Variants in CRB1 observed in about 807,000 individuals in gnomAD.
CRB1 encodes crumbs cell polarity complex component 1, also known as protein crumbs homolog 1.
A neutral mutation model predicts 120.0 loss-of-function variants in CRB1; 83 were observed. The observed-to-expected ratio is 0.69, with a 90% confidence interval of 0.58 to 0.83. CRB1 has a LOEUF of 0.83. Among genes scored for constraint, CRB1 ranks in the 40% least tolerant of loss-of-function variants. The probability of loss-of-function intolerance (pLI) is 0.00; values close to 1 mark genes in which losing one functional copy is unlikely to be tolerated. For synonymous variants in CRB1, 625 were observed against 612.5 expected (o/e 1.02, Z -0.30); for missense variants, 1,699 against 1,687.6 (o/e 1.01, Z -0.12).
chr1:197,362,524 AT>A (rs1383823801), intron 5 of CRB1, among the ~76,000 whole-genome samples: 1 of 151,710 alleles, frequency 6.6e-6, no homozygotes, highest in Non-Finnish European at 1.5e-5. Flanking sequence ...AGTTCTATCA[AT>A]TTTTCTTCAC....
At chr1:197,269,129 A>G (rs1388514288) in intron 1 of CRB1, among the ~76,000 whole-genome samples, 1 of 152,228 alleles carries the variant, frequency 6.6e-6, no homozygotes, top group Admixed American at 6.5e-5. Flanking sequence ...AAATCAGAGG[A>G]GACCAAATTG....
intron 5 of CRB1, among the ~76,000 whole-genome samples, chr1:197,415,099 T>C (rs536054329): frequency 1.3e-5 from 2 of 152,270 alleles, no homozygotes; most frequent in East Asian, 3.9e-4. Context: ...AAAGATCAAA[T>C]GCATAAATTT....
chr1:197,209,073 A>G, the CRB1 span, among the ~76,000 whole-genome samples: 1 of 152,158 alleles, frequency 6.6e-6, no homozygotes, highest in Admixed American at 6.5e-5. Flanking sequence ...CACTTCCATC[A>G]TGCCCTGCCA....
intron 1 of CRB1, among the ~76,000 whole-genome samples, chr1:197,307,418 C>A (rs1345136129): frequency 6.6e-6 from 1 of 152,120 alleles, no homozygotes; most frequent in Non-Finnish European, 1.5e-5. Flanking sequence ...GTTTGCCAAA[C>A]AGCATGCAAA....
intron 1 of CRB1, among the ~76,000 whole-genome samples, chr1:197,272,220 G>T (rs1456707162): frequency 1.3e-5 from 2 of 152,130 alleles, no homozygotes; most frequent in Non-Finnish European, 2.9e-5. Flanking sequence ...GATCGTTACT[G>T]TGCAAGTTAA....
At chr1:197,203,941 AC>A in the CRB1 span, among the ~76,000 whole-genome samples, 1 of 151,144 alleles carries the variant, frequency 6.6e-6, no homozygotes, top group Non-Finnish European at 1.5e-5. Flanking sequence ...TTTATCCCTC[AC>A]CCCCCTCCCA....
intron 11 of CRB1, among the ~76,000 whole-genome samples, chr1:197,463,458 A>C (rs1438358603): frequency 6.6e-6 from 1 of 152,200 alleles, no homozygotes; most frequent in Non-Finnish European, 1.5e-5. Flanking sequence ...CTGAAATATA[A>C]AATAACCATT....
chr1:197,415,641 CTTTTTTTTTTTTT>C (rs55654070), intron 5 of CRB1, among the ~76,000 whole-genome samples: 2 of 94,014 alleles, frequency 2.1e-5, no homozygotes, highest in Non-Finnish European at 3.9e-5. Context: ...TTTTTCTTTT[CTTTTTTTTTTTTT>C]TTTTTTGAGA....
the CRB1 span, among the ~76,000 whole-genome samples, chr1:197,241,044 GTTGT>G: frequency 6.6e-6 from 1 of 152,112 alleles, no homozygotes; most frequent in South Asian, 2.1e-4. Context: ...TTTTGATGGG[GTTGT>G]TTGTTTTTTT....
At chr1:197,415,915 T>TACA (rs1663975756) in intron 5 of CRB1, among the ~76,000 whole-genome samples, 2 of 152,140 alleles carry the variant, frequency 1.3e-5, no homozygotes, top group South Asian at 4.1e-4. Flanking sequence ...GTTCTGGCAT[T>TACA]ACAAGCATGA....
intron 1 of CRB1, among the ~76,000 whole-genome samples, chr1:197,290,928 T>C (rs773561254): frequency 6.6e-6 from 1 of 151,806 alleles, no homozygotes. Flanking sequence ...TATTTTTAAT[T>C]GTAATGAGCT....
chr1:197,427,418 T>C, intron 6 of CRB1, 36 bp from the exon 7 acceptor site: 1 of 1,602,976 alleles, frequency 6.2e-7, no homozygotes, highest in East Asian at 2.2e-5. Context: ...AGATGTTTCT[T>C]TTTTTTTCTC....
chr1:197,354,985 G>C (rs543005796), intron 4 of CRB1, among the ~76,000 whole-genome samples: 1 of 151,698 alleles, frequency 6.6e-6, no homozygotes, highest in Admixed American at 6.6e-5. Context: ...GCTAGACACA[G>C]AGTGCTGATT....
Position 197,331,361 on chromosome 1 carries a change from T to G in CRB1, c.652+2358T>G, listed in dbSNP as rs115605329. On this transcript the variant is annotated intron_variant, in intron 2 of 11. Transcript: ENST00000367400. ...GTATTATTTTATGTATACTCTATGATGCTAAAATGCTTATGTCAAATGGAA... is the reference window on the plus strand; with the variant it reads ...GTATTATTTTATGTATACTCTATGAGGCTAAAATGCTTATGTCAAATGGAA... Among the ~76,000 whole-genome samples, 826 of 152,326 alleles carry G rather than the reference T, an allele frequency of 5.4e-3. 11 individuals carry two copies. Among genetic ancestry groups the G allele is most frequent in the African/African-American group, 0.019 (794 of 41,574 alleles).
intron 1 of CRB1, among the ~76,000 whole-genome samples, chr1:197,283,390 C>T (rs1037547557): frequency 1.5e-4 from 22 of 151,714 alleles, no homozygotes; most frequent in African/African-American, 5.3e-4. Flanking sequence ...TCCCGCATCC[C>T]CCTCCCGCCC....
the CRB1 span, among the ~76,000 whole-genome samples, chr1:197,250,263 T>G: frequency 6.6e-6 from 1 of 152,016 alleles, no homozygotes; most frequent in African/African-American, 2.4e-5. Flanking sequence ...CAAAACCCTT[T>G]ACTATTATCC....
chr1:197,383,689 G>A (rs563617078), intron 5 of CRB1, among the ~76,000 whole-genome samples: 1 of 152,240 alleles, frequency 6.6e-6, no homozygotes, highest in African/African-American at 2.4e-5. Context: ...ATGAAGCTCG[G>A]AGTTTAGTTT....
chr1:197,356,305 T>C (rs985792444), intron 4 of CRB1, among the ~76,000 whole-genome samples: 4 of 152,228 alleles, frequency 2.6e-5, no homozygotes, highest in Admixed American at 2.6e-4. Flanking sequence ...AAGTGACAAA[T>C]CATGTTTTAC....
chr1:197,258,967 A>C, the CRB1 span, among the ~76,000 whole-genome samples: 1 of 152,242 alleles, frequency 6.6e-6, no homozygotes, highest in Middle Eastern at 3.2e-3. Context: ...TTATCCCGTC[A>C]TTAACTTTTA....
Sources: gnomAD v4.1 joint callset for allele counts (sites outside exome capture counted in the v4.1 genomes callset) on GRCh38, gnomAD v4.1.1 for gene constraint, MANE v1.5 for transcripts, NCBI Gene and HGNC (gene_info 2026-07-23, HGNC 2026-07-21) for gene names.